The following TRAF3 variants were observed in gnomAD, a reference collection of about 807,000 sequenced individuals.
TRAF3 encodes the protein TNF receptor associated factor 3.
Under a neutral mutation model 62.3 loss-of-function variants are expected in TRAF3, and 13 were observed. That is an observed-to-expected ratio of 0.21 (90% CI 0.14 to 0.33). The LOEUF (loss-of-function observed/expected upper bound fraction) is 0.33, where lower values mean the gene tolerates loss of function less well. TRAF3 is among the 10% of genes least tolerant of loss of function. The pLI is 1.00. For missense variants in TRAF3, 440 were observed against 741.8 expected (o/e 0.59, Z 4.73); for synonymous variants, 269 against 283.4 (o/e 0.95, Z 0.51).
chr14:102,791,242 A>G (rs1185832483), intron 1 of TRAF3, among the ~76,000 whole-genome samples: 1 of 151,912 alleles, frequency 6.6e-6, no homozygotes, highest in South Asian at 2.1e-4. Context: ...GATGGTTTCA[A>G]TCTCCTGATC....
intron 1 of TRAF3, among the ~76,000 whole-genome samples, chr14:102,814,319 C>T (rs990091430): frequency 2.0e-5 from 3 of 152,062 alleles, no homozygotes; most frequent in African/African-American, 7.2e-5. Context: ...AGACCAGTAC[C>T]GTGTCGTTTT....
chr14:102,827,498 T>C (rs1197235837), intron 1 of TRAF3, among the ~76,000 whole-genome samples: 1 of 152,242 alleles, frequency 6.6e-6, no homozygotes, highest in Non-Finnish European at 1.5e-5. Context: ...TTTTATGCAA[T>C]ATTCTTAAAT....
intron 1 of TRAF3, among the ~76,000 whole-genome samples, chr14:102,789,045 C>T (rs1897652250): frequency 6.6e-6 from 1 of 152,178 alleles, no homozygotes; most frequent in African/African-American, 2.4e-5. Context: ...CCTCCCATCC[C>T]TTGATAACCT....
chr14:102,781,916 C>A (rs1196495474), intron 1 of TRAF3, among the ~76,000 whole-genome samples: 1 of 152,002 alleles, frequency 6.6e-6, no homozygotes, highest in African/African-American at 2.4e-5. Context: ...CCTCAGCCTC[C>A]TGAGTAGCTG....
intron 2 of TRAF3, among the ~76,000 whole-genome samples, chr14:102,847,044 A>G (rs1231582107): frequency 6.6e-6 from 1 of 152,216 alleles, no homozygotes; most frequent in Non-Finnish European, 1.5e-5. Context: ...CAGTTTTAAA[A>G]TAATCAGATT....
chr14:102,830,238 A>T (rs972399524), intron 1 of TRAF3, 96 bp from the exon 2 acceptor site: 1 of 152,286 alleles, frequency 6.6e-6, no homozygotes, highest in Admixed American at 6.5e-5. Flanking sequence ...GCTTGAGGAT[A>T]GACTGGCCTT....
At chr14:102,828,039 G>A (rs1473803265) in intron 1 of TRAF3, among the ~76,000 whole-genome samples, 2 of 152,248 alleles carry the variant, frequency 1.3e-5, no homozygotes, top group African/African-American at 2.4e-5. Context: ...AGCGCACAGC[G>A]CACTCGTTTC....
intron 2 of TRAF3, among the ~76,000 whole-genome samples, chr14:102,832,362 A>G (rs777754493): frequency 2.0e-5 from 3 of 152,030 alleles, no homozygotes; most frequent in Admixed American, 6.6e-5. Context: ...TCTGCAACCC[A>G]CTCCATTCAG....
intron 1 of TRAF3, among the ~76,000 whole-genome samples, chr14:102,798,499 G>T (rs774029041): frequency 1.3e-4 from 20 of 152,208 alleles, no homozygotes; most frequent in Non-Finnish European, 2.6e-4. Flanking sequence ...AACTAGCCAG[G>T]TGTGGTGGCG....
chr14:102,780,181 A>G (rs1483616981), intron 1 of TRAF3, among the ~76,000 whole-genome samples: 3 of 152,238 alleles, frequency 2.0e-5, no homozygotes, highest in African/African-American at 7.2e-5. Flanking sequence ...TGCTTTCAGC[A>G]GGAGTGATGA....
intron 11 of TRAF3, 50 bp from the exon 12 acceptor site, chr14:102,905,160 ACCT>A: frequency 1.3e-6 from 2 of 1,553,490 alleles, no homozygotes; most frequent in Non-Finnish European, 1.8e-6. Context: ...TGCTTTCCTA[ACCT>A]CTCTGACGTT....
chr14:102,808,211 T>G (rs1198808561), intron 1 of TRAF3, among the ~76,000 whole-genome samples: 1 of 151,920 alleles, frequency 6.6e-6, no homozygotes, highest in Non-Finnish European at 1.5e-5. Context: ...TGGAGATGGA[T>G]GTGAAAGAAG....
chr14:102,874,429 T>C (rs1181020756), intron 4 of TRAF3, among the ~76,000 whole-genome samples: 2 of 152,092 alleles, frequency 1.3e-5, no homozygotes, highest in Non-Finnish European at 2.9e-5. Context: ...GTTAATTTTT[T>C]TGTATTTCTA....
At chr14:102,864,562 C>T (rs1887872895) in intron 2 of TRAF3, among the ~76,000 whole-genome samples, 1 of 152,130 alleles carries the variant, frequency 6.6e-6, no homozygotes, top group Admixed American at 6.5e-5. Flanking sequence ...TATTTTAGGA[C>T]ATATTAAATT....
chr14:102,866,913 C>T (rs1888032823), intron 2 of TRAF3, among the ~76,000 whole-genome samples: 2 of 151,136 alleles, frequency 1.3e-5, no homozygotes, highest in Admixed American at 1.3e-4. Context: ...CAAGAAGGCA[C>T]AATTTGGCAT....
intron 10 of TRAF3, among the ~76,000 whole-genome samples, chr14:102,899,883 T>C (rs1412130695): frequency 2.0e-5 from 3 of 152,122 alleles, no homozygotes; most frequent in African/African-American, 7.2e-5. Flanking sequence ...TTTTTCTTTA[T>C]TAAGAAGACA....
rs529400481 is a variant in TRAF3 at position 102,888,952 on chromosome 14, A to G, written c.652-608A>G. 2.1e-4 allele frequency among the ~76,000 whole-genome samples: 32 copies of G among 152,312 alleles called. 1 individual carries two copies. The East Asian group carries it at 2.5e-3, about 12-fold the overall frequency. ...GCCCCACCTAATTTTCCTGCCATCA[A>G]TTAGAGTTGACAGTAGTAAGAGTGT... On this transcript the variant is annotated intron_variant, in intron 7 of 11. Coordinates refer to ENST00000392745, the MANE Select transcript of TRAF3 (RefSeq NM_145725.3).
At chr14:102,823,624 G>C (rs1032755452) in intron 1 of TRAF3, among the ~76,000 whole-genome samples, 2 of 152,154 alleles carry the variant, frequency 1.3e-5, no homozygotes, top group Admixed American at 1.3e-4. Context: ...GTGGAAACTT[G>C]CAGTAACGTT....
In TRAF3 at chr14:102,823,884, T is replaced by C. The variant is rs1950637; in HGVS notation, c.-156-6450T>C. Among the ~76,000 whole-genome samples, 933 of 151,566 alleles carry C rather than the reference T, an allele frequency of 6.2e-3. 6 individuals are homozygous for C. The highest frequency in any genetic ancestry group is 0.012 in the Admixed American group (177 of 15,266). On this transcript the variant is annotated intron_variant, in intron 1 of 11. Coordinates refer to ENST00000392745, the MANE Select transcript of TRAF3 (RefSeq NM_145725.3). Reference sequence around the variant, plus strand: ...GACAGGATGTGTTTTCTGTGTGCAGTCTCTGTCACTAAGCACCATATTTTC... The same window carrying C: ...GACAGGATGTGTTTTCTGTGTGCAGCCTCTGTCACTAAGCACCATATTTTC...
Sources: allele counts gnomAD v4.1 joint callset (sites outside exome capture counted in the v4.1 genomes callset), GRCh38; gene constraint gnomAD v4.1.1; transcripts MANE v1.5; gene names NCBI Gene and HGNC (gene_info 2026-07-23, HGNC 2026-07-21).